Variants in CEP350 observed in about 807,000 individuals in gnomAD.
CEP350 encodes the protein centrosome-associated protein 350.
CEP350 carries 126 observed loss-of-function variants against 331.8 expected under a neutral mutation model. That is an observed-to-expected ratio of 0.38 (90% CI 0.33 to 0.44). The LOEUF is 0.44. Among genes scored for constraint, CEP350 ranks in the 20% least tolerant of loss-of-function variants. CEP350 has a pLI of 1.00. For missense variants in CEP350, 3,406 were observed against 3,634.6 expected (o/e 0.94, Z 1.62); for synonymous variants, 1,200 against 1,259.5 (o/e 0.95, Z 1.00).
At chr1:180,050,210 G>GA (rs1657395277) in intron 22 of CEP350, among the ~76,000 whole-genome samples, 1 of 152,130 alleles carries the variant, frequency 6.6e-6, no homozygotes, top group Non-Finnish European at 1.5e-5. Flanking sequence ...ATCTGTGAAA[G>GA]AAAAAATTGA....
At chr1:180,059,565 C>T (rs182577030) in intron 25 of CEP350, among the ~76,000 whole-genome samples, 109 of 149,966 alleles carry the variant, frequency 7.3e-4, no homozygotes, top group Admixed American at 4.4e-3. Flanking sequence ...CATCTTTGCT[C>T]GATACCAGAA....
At chr1:179,965,854 G>C (rs939402618) in intron 1 of CEP350, among the ~76,000 whole-genome samples, 1 of 151,890 alleles carries the variant, frequency 6.6e-6, no homozygotes, top group Non-Finnish European at 1.5e-5. Context: ...TTGAACTCCT[G>C]ACCTCAGGTG....
At chr1:179,961,165 G>A (rs1650580283) in intron 1 of CEP350, among the ~76,000 whole-genome samples, 1 of 152,074 alleles carries the variant, frequency 6.6e-6, no homozygotes, top group Admixed American at 6.5e-5. Context: ...CAGCCTCATG[G>A]CCAGGCGCGG....
intron 34 of CEP350, 27 bp downstream of exon 34, chr1:180,094,643 C>T: frequency 6.3e-7 from 1 of 1,591,952 alleles, no homozygotes; most frequent in Non-Finnish European, 8.5e-7. Flanking sequence ...GAAAAAGTAT[C>T]AGTATACCTT....
intron 36 of CEP350, 150 bp downstream of exon 36, chr1:180,096,334 T>G (rs1660476866): frequency 3.6e-6 from 3 of 822,724 alleles, no homozygotes; most frequent in Non-Finnish European, 5.2e-6. Context: ...AAAGATTTGT[T>G]GACTTACTGA....
rs529581800 is a variant in CEP350, at chr1:180,095,883, A to G, written c.8872A>G (p.Ser2958Gly). ...TCCTACAAAACTGCTTGGCTGTGCC[A>G]GTAAAGGTCTAGATATAGAAAGCAC... ...SIPTKLLGCA[S>G]KGLDIESTSK... is the part of the protein sequence containing the mutation. Residue 2958 changes from serine to glycine, a missense_variant, in exon 35 of 38, where the codon AGT (serine) becomes GGT (glycine). Physicochemically the swap from Ser to Gly is moderately conservative, Grantham distance 56 (BLOSUM62 0). Coordinates refer to ENST00000367607, the MANE Select transcript of CEP350 (RefSeq NM_014810.5). The G allele has an allele frequency of 6.2e-7, 1 of 1,612,554 alleles. No individual in the cohort carries two copies. The highest frequency in any genetic ancestry group is 8.5e-7 in the Non-Finnish European group (1 of 1,179,356).
intron 22 of CEP350, 43 bp downstream of exon 22, chr1:180,048,748 A>G (rs778737633): frequency 6.7e-7 from 1 of 1,482,518 alleles, no homozygotes; most frequent in South Asian, 1.2e-5. Flanking sequence ...TTGTTCAGAA[A>G]CCAGAGGAAA....
intron 1 of CEP350, chr1:179,969,441 A>T: frequency 2.0e-6 from 1 of 497,452 alleles, no homozygotes; most frequent in Non-Finnish European, 4.0e-6. Context: ...TGGAGTGCTC[A>T]GAAGACTGGT....
In CEP350 at chr1:180,015,926, C is replaced by A. The variant is rs752819967; in HGVS notation, c.2130C>A (p.Ser710=). The A allele has an allele frequency of 6.2e-7, 1 of 1,613,762 alleles. No homozygotes were observed. The highest frequency in any genetic ancestry group is 1.3e-5 in the African/African-American group (1 of 74,920). Residue 710 remains serine, a synonymous_variant, in exon 11 of 38, where the codon TCC becomes TCA. Transcript: ENST00000367607. ...AGGAACGTCCCCCAAGTGCATCTTC[C>A]AGTAGTGACATGTCTCTCTCAGAAC... ...KVQERPPSAS[S]SSDMSLSEPP...
rs757639179 is a variant in CEP350 at position 180,098,997 on chromosome 1, C to A, written c.9189+12C>A. 2 of 1,601,890 alleles carry A rather than the reference C, an allele frequency of 1.2e-6. No homozygotes were observed. The highest frequency in any genetic ancestry group is 4.5e-5 in the East Asian group (2 of 44,770). On this transcript the variant is annotated intron_variant, in intron 37 of 37. Transcript: ENST00000367607. ...TGGATCATATCCTGGTCAGTGTATA[C>A]AACCAAACTGTTTTTATTTTGACCA...
chr1:179,961,480 C>T (rs181098546), intron 1 of CEP350, among the ~76,000 whole-genome samples: 6 of 152,008 alleles, frequency 3.9e-5, no homozygotes, highest in Admixed American at 2.0e-4. Context: ...GCGCTCACTA[C>T]CTTCAATACA....
At chr1:179,973,890 T>C (rs1268972426) in intron 1 of CEP350, among the ~76,000 whole-genome samples, 1 of 152,194 alleles carries the variant, frequency 6.6e-6, no homozygotes, top group Non-Finnish European at 1.5e-5. Context: ...TTCCTCTTTC[T>C]TTCTTATGAG....
chr1:179,994,372 A>G (rs533277508), intron 5 of CEP350, among the ~76,000 whole-genome samples: 1 of 151,944 alleles, frequency 6.6e-6, no homozygotes, highest in African/African-American at 2.4e-5. Context: ...AAATAATCAC[A>G]TTTAGCCTCG....
At chr1:180,028,481 T>C (rs1426445633) in intron 14 of CEP350, among the ~76,000 whole-genome samples, 1 of 152,202 alleles carries the variant, frequency 6.6e-6, no homozygotes, top group Non-Finnish European at 1.5e-5. Context: ...TATGATATAC[T>C]GCACAATTTT....
intron 25 of CEP350, 83 bp from the exon 26 acceptor site, chr1:180,062,137 T>G: frequency 1.6e-6 from 2 of 1,236,544 alleles, no homozygotes; most frequent in Non-Finnish European, 2.1e-6. Context: ...ATTTTTAATA[T>G]ATGTGCTGAT....
At chr1:180,103,023 G>A (rs1558162684) in intron 37 of CEP350, among the ~76,000 whole-genome samples, 1 of 152,208 alleles carries the variant, frequency 6.6e-6, no homozygotes, top group East Asian at 1.9e-4. Context: ...AAAGAGAGGT[G>A]TTCCGAAAAA....
At chr1:179,999,475 A>AT (rs535289954) in intron 6 of CEP350, among the ~76,000 whole-genome samples, 38 of 151,548 alleles carry the variant, frequency 2.5e-4, no homozygotes, top group African/African-American at 6.8e-4. Flanking sequence ...TAAGCAGTGG[A>AT]TTTTTTTTTC....
intron 32 of CEP350, among the ~76,000 whole-genome samples, chr1:180,088,297 A>G (rs1659978458): frequency 6.6e-6 from 1 of 152,184 alleles, no homozygotes; most frequent in South Asian, 2.1e-4. Flanking sequence ...ATTAGAATAT[A>G]TAATATTGTG....
rs764067267 is a variant in CEP350, at chr1:180,020,843, T to C, written c.3069T>C (p.Asn1023=). 9.9e-6 allele frequency: 16 copies of C among 1,613,072 alleles called. No homozygotes were observed. The highest frequency in any genetic ancestry group is 1.4e-5 in the Non-Finnish European group (16 of 1,179,766). The change falls in exon 12 of 38, where the codon AAT becomes AAC. Residue 1023 remains asparagine, a synonymous_variant. Transcript: ENST00000367607. ...AGGAATTTTGTCCTGGAGAAAGAAATAGTTATGAACCCATCAAAGAGTTTC... is the reference window on the plus strand; with the variant it reads ...AGGAATTTTGTCCTGGAGAAAGAAACAGTTATGAACCCATCAAAGAGTTTC... ...KEKEFCPGER[N]SYEPIKEFQK... is the part of the protein sequence containing the mutation.
Sources: gnomAD v4.1 joint callset for allele counts (sites outside exome capture counted in the v4.1 genomes callset) on GRCh38, gnomAD v4.1.1 for gene constraint, MANE v1.5 for transcripts, NCBI Gene and HGNC (gene_info 2026-07-23, HGNC 2026-07-21) for gene names.